The following MIA2 variants were observed in gnomAD, a reference collection of about 807,000 sequenced individuals.
The protein encoded by MIA2 is melanoma inhibitory activity protein 2.
MIA2 carries 127 observed loss-of-function variants against 167.8 expected under a neutral mutation model. The ratio of observed to expected loss-of-function variants is 0.76; its 90% confidence interval spans 0.66 to 0.88. The LOEUF (loss-of-function observed/expected upper bound fraction) is 0.88, where lower values mean the gene tolerates loss of function less well. MIA2 is among the 40% of genes least tolerant of loss of function. The probability of loss-of-function intolerance (pLI) is 0.00; values close to 1 mark genes in which losing one functional copy is unlikely to be tolerated. For missense variants in MIA2, 1,690 were observed against 1,624.7 expected (o/e 1.04, Z -0.69); for synonymous variants, 552 against 541.9 (o/e 1.02, Z -0.26).
rs112534680 is a variant in MIA2 at position 39,243,122 on chromosome 14, C to CA, written c.336+2491dup. ...TGGGTGACAGAGTGAAACTTTGTCT[C>CA]AAAAAAAAAAAAAAAAGAAGACAAA... On this transcript the variant is annotated intron_variant, in intron 3 of 28. Transcript: ENST00000640607. Among the ~76,000 whole-genome samples, 730 of 127,424 alleles carry CA rather than the reference C, an allele frequency of 5.7e-3. 8 individuals are homozygous for CA. Among genetic ancestry groups the CA allele is most frequent in the African/African-American group, 8.1e-3 (287 of 35,342 alleles). The allele number at this position is 127,424 out of a possible 152,430, so 83.6% of individuals were successfully genotyped here.
chr14:39,281,577 T>C, intron 9 of MIA2, among the ~76,000 whole-genome samples: 1 of 151,874 alleles, frequency 6.6e-6, no homozygotes. Context: ...TTTAATTCCA[T>C]TTACACATTA....
chr14:39,336,180 A>G (rs2070366687), intron 25 of MIA2, among the ~76,000 whole-genome samples: 1 of 152,202 alleles, frequency 6.6e-6, no homozygotes, highest in Non-Finnish European at 1.5e-5. Flanking sequence ...AAATCTTCAA[A>G]CTGATTTCCA....
intron 23 of MIA2, among the ~76,000 whole-genome samples, chr14:39,363,193 G>C (rs1703117183): frequency 6.6e-6 from 1 of 152,186 alleles, no homozygotes; most frequent in African/African-American, 2.4e-5. Flanking sequence ...AAGATTTTCT[G>C]TAAATATCTG....
chr14:39,359,002 G>A (rs556814773), intron 23 of MIA2, among the ~76,000 whole-genome samples: 1 of 152,160 alleles, frequency 6.6e-6, no homozygotes, highest in African/African-American at 2.4e-5. Context: ...GGGGGTCAGG[G>A]ACCCACTTGA....
chr14:39,245,240 G>A (rs373187927), intron 3 of MIA2, among the ~76,000 whole-genome samples: 1 of 152,114 alleles, frequency 6.6e-6, no homozygotes, highest in South Asian at 2.1e-4. Context: ...TGTGTCCAGC[G>A]TTTTGGTGCA....
rs753499187 is a variant in MIA2 at position 39,291,093 on chromosome 14, G to T, written c.2205G>T (p.Leu735Phe). ...AGGAGGCAACAGAAGCACAAAGTTTGGAGGTAGAAAATCAAATGGTATAAT... is the reference window on the plus strand; with the variant it reads ...AGGAGGCAACAGAAGCACAAAGTTTTGAGGTAGAAAATCAAATGGTATAAT... ...FEKEATEAQS[L>F]EATCEKLNRS... The change falls in exon 10 of 29, where the codon TTG (leucine) becomes TTT (phenylalanine). Residue 735 changes from leucine (L) to phenylalanine (F), a missense_variant. By Grantham distance (22) the Leu-to-Phe change is conservative. Coordinates refer to ENST00000640607, the MANE Select transcript of MIA2 (RefSeq NM_001329214.4). The T allele has an allele frequency of 1.3e-6, 2 of 1,598,486 alleles. No homozygotes were observed.
chr14:39,326,743 C>A, intron 24 of MIA2, 121 bp from the exon 25 acceptor site: 1 of 786,406 alleles, frequency 1.3e-6, no homozygotes. Flanking sequence ...ACTTTCTACA[C>A]TGTTATTTTT....
rs565052015 is a variant in MIA2, at chr14:39,314,810, A to ATG, written c.3180+37_3180+38dup. 4,153 of 1,065,780 alleles carry ATG rather than the reference A, an allele frequency of 3.9e-3. 6 individuals are homozygous for ATG. The highest frequency in any genetic ancestry group is 9.6e-3 in the African/African-American group (566 of 59,142). The allele number at this position is 1,065,780 out of a possible 1,614,324, so 66.0% of individuals were successfully genotyped here. ...TCTTATCAAGGGCAGGTATATATAT[A>ATG]TGTGTGTGTGTGTGTGTGTGTGTGT... On this transcript the variant is annotated intron_variant, in intron 20 of 28. Coordinates refer to ENST00000640607, the MANE Select transcript of MIA2 (RefSeq NM_001329214.4).
intron 24 of MIA2, among the ~76,000 whole-genome samples, chr14:39,325,204 A>G (rs370427217): frequency 1.1e-4 from 16 of 152,088 alleles, no homozygotes; most frequent in Non-Finnish European, 1.3e-4. Context: ...AGTCTGGGTA[A>G]CAGAGTGAGT....
intron 23 of MIA2, among the ~76,000 whole-genome samples, chr14:39,383,005 A>C (rs1329193717): frequency 9.1e-5 from 8 of 87,646 alleles, no homozygotes; most frequent in Non-Finnish European, 2.5e-5. Context: ...TGTTTTTTAC[A>C]GTAGGCCTTC....
intron 25 of MIA2, among the ~76,000 whole-genome samples, chr14:39,342,301 G>C (rs991466039): frequency 1.3e-5 from 2 of 151,860 alleles, no homozygotes; most frequent in African/African-American, 4.8e-5. Flanking sequence ...TGAGAATGAT[G>C]GTTTCCAGCT....
At chr14:39,309,710 C>G (rs2063895060) in intron 18 of MIA2, among the ~76,000 whole-genome samples, 1 of 152,098 alleles carries the variant, frequency 6.6e-6, no homozygotes, top group South Asian at 2.1e-4. Context: ...AATACAAGCT[C>G]TGAGAGAAAA....
At chr14:39,296,590 GTTTTC>G (rs945050212) in intron 13 of MIA2, among the ~76,000 whole-genome samples, 2 of 115,976 alleles carry the variant, frequency 1.7e-5, no homozygotes, top group African/African-American at 5.9e-5. Flanking sequence ...CACGGGCGGG[GTTTTC>G]TTTTCTTTTC....
At chr14:39,316,993 C>T (rs1280461351) in intron 21 of MIA2, among the ~76,000 whole-genome samples, 1 of 152,044 alleles carries the variant, frequency 6.6e-6, no homozygotes, top group Non-Finnish European at 1.5e-5. Context: ...CTCACCGCTG[C>T]GTATTTAGTG....
intron 6 of MIA2, among the ~76,000 whole-genome samples, chr14:39,273,088 A>G (rs1392358656): frequency 6.6e-6 from 1 of 152,020 alleles, no homozygotes; most frequent in Admixed American, 6.5e-5. Context: ...GCATTATGTC[A>G]TCTTCAAACA....
intron 6 of MIA2, among the ~76,000 whole-genome samples, chr14:39,258,596 A>G (rs1478671228): frequency 1.3e-5 from 2 of 152,004 alleles, no homozygotes; most frequent in Admixed American, 6.6e-5. Context: ...CAATTCATCA[A>G]TCTCATTCTC....
chr14:39,303,704 A>G (rs1357716548), intron 16 of MIA2, among the ~76,000 whole-genome samples, 180 bp downstream of exon 16: 1 of 152,086 alleles, frequency 6.6e-6, no homozygotes, highest in Non-Finnish European at 1.5e-5. Flanking sequence ...AGAAATTTAT[A>G]TAATTTTTGG....
At chr14:39,364,510 C>A (rs1436438139) in intron 23 of MIA2, among the ~76,000 whole-genome samples, 1 of 149,960 alleles carries the variant, frequency 6.7e-6, no homozygotes, top group Non-Finnish European at 1.5e-5. Context: ...ATTTGCTTTA[C>A]CAGTAAGTTT....
chr14:39,363,519 A>AC (rs1364241989), intron 23 of MIA2, among the ~76,000 whole-genome samples: 3 of 152,088 alleles, frequency 2.0e-5, no homozygotes, highest in African/African-American at 7.2e-5. Context: ...ACACAGCGAG[A>AC]CCCTGTCTCA....
Sources: gnomAD v4.1 joint callset for allele counts (sites outside exome capture counted in the v4.1 genomes callset) on GRCh38, gnomAD v4.1.1 for gene constraint, MANE v1.5 for transcripts, NCBI Gene and HGNC (gene_info 2026-07-23, HGNC 2026-07-21) for gene names.